The following MYO6 variants were observed in gnomAD, a reference collection of about 807,000 sequenced individuals.
MYO6 encodes the protein myosin VI.
A neutral mutation model predicts 178.7 loss-of-function variants in MYO6; 74 were observed. The ratio of observed to expected loss-of-function variants is 0.41; its 90% CI spans 0.34 to 0.50. MYO6 has a LOEUF of 0.50. Ranked by LOEUF, MYO6 falls within the 20% of genes least tolerant of loss-of-function variation. MYO6 has a pLI of 0.09. For missense variants in MYO6, 1,330 were observed against 1,547.4 expected, an observed-to-expected ratio of 0.86 and a Z score of 2.36; for synonymous variants, 477 against 504.6, an observed-to-expected ratio of 0.95 and a Z score of 0.73.
chr6:75,873,754 A>G (rs1777342073), intron 20 of MYO6, among the ~76,000 whole-genome samples: 1 of 152,174 alleles, frequency 6.6e-6, no homozygotes, highest in South Asian at 2.1e-4. Flanking sequence ...TCCACACATG[A>G]TGGTCAGAAG....
In MYO6 at chr6:75,791,554, A is replaced by G. The variant is rs1332078995; in HGVS notation, c.-47-25947A>G. Among the ~76,000 whole-genome samples, 5 of 152,216 alleles carry G rather than the reference A, an allele frequency of 3.3e-5. No homozygotes were observed. In the East Asian group the frequency reaches 7.7e-4, roughly 23 times the overall value. On this transcript the variant is annotated intron_variant, in intron 1 of 34. Coordinates refer to ENST00000369977, the MANE Select transcript of MYO6 (RefSeq NM_004999.4). Reference sequence around the variant, plus strand: ...AATCGAGACTTAAATGATAAAACAAAGATTCTGCTATATTCCTTTTGTCTT... The same window carrying G: ...AATCGAGACTTAAATGATAAAACAAGGATTCTGCTATATTCCTTTTGTCTT...
Position 75,858,991 on chromosome 6 carries a change from G to C in MYO6, c.1471G>C (p.Glu491Gln). ...ATTTTTTAATGAAAGGATTCTGAAG[G>C]AGGTAATTGCCATTATAAGTTTAAT... ...QQFFNERILK[E>Q]EQELYQKEGL... The change falls in exon 14 of 35, where the codon GAG becomes CAG. Residue 491 changes from glutamate (E) to glutamine (Q), a missense_variant and splice_region_variant. Glu to Gln is a conservative substitution (Grantham distance 29). This residue lies in a region of MYO6 where 613 missense variants were observed against 816.8 expected (regional missense o/e 0.75). Transcript: ENST00000369977. 1 of 1,567,382 alleles carries C rather than the reference G, an allele frequency of 6.4e-7. No homozygotes were observed. The highest frequency in any genetic ancestry group is 8.8e-7 in the Non-Finnish European group (1 of 1,139,012).
intron 1 of MYO6, among the ~76,000 whole-genome samples, chr6:75,794,146 A>G (rs547989084): frequency 3.3e-4 from 50 of 152,310 alleles, no homozygotes; most frequent in African/African-American, 1.2e-3. Flanking sequence ...GGATAAATAT[A>G]TAGGTAATAG....
chr6:75,775,131 T>C (rs948304022), intron 1 of MYO6, among the ~76,000 whole-genome samples: 1 of 152,166 alleles, frequency 6.6e-6, no homozygotes, highest in Admixed American at 6.5e-5. Flanking sequence ...TCCTTTGATA[T>C]TATCATTTAT....
intron 1 of MYO6, among the ~76,000 whole-genome samples, chr6:75,814,923 C>G (rs1771069614): frequency 6.6e-6 from 1 of 151,792 alleles, no homozygotes; most frequent in Non-Finnish European, 1.5e-5. Flanking sequence ...TTTACTCTTC[C>G]AAAACTGTGT....
At chr6:75,801,128 T>C (rs1769411328) in intron 1 of MYO6, among the ~76,000 whole-genome samples, 1 of 152,180 alleles carries the variant, frequency 6.6e-6, no homozygotes, top group South Asian at 2.1e-4. Context: ...TCACACTTTA[T>C]AAAGAACTTC....
chr6:75,897,786 G>A (rs552095926), intron 29 of MYO6, among the ~76,000 whole-genome samples: 5 of 152,318 alleles, frequency 3.3e-5, no homozygotes, highest in Admixed American at 3.3e-4. Context: ...AGCAAAATAA[G>A]TTTTTTGCCT....
Position 75,791,127 on chromosome 6 carries a change from G to T in MYO6, c.-47-26374G>T, listed in dbSNP as rs1466475197. 2.0e-5 allele frequency among the ~76,000 whole-genome samples: 3 copies of T among 152,094 alleles called. No individual in the cohort carries two copies. In the East Asian group the frequency reaches 5.8e-4, roughly 29 times the overall value. ...TTTTGTATTTTTAGTAGAGATGGGG[G>T]TTTCACCGTGTTAGCCAGGATGGTC... On this transcript the variant is annotated intron_variant, in intron 1 of 34. Transcript: ENST00000369977.
intron 1 of MYO6, among the ~76,000 whole-genome samples, chr6:75,806,688 A>G (rs1336048387): frequency 6.6e-6 from 1 of 152,252 alleles, no homozygotes; most frequent in Non-Finnish European, 1.5e-5. Flanking sequence ...GCCACAAACA[A>G]TAGCATGAGT....
chr6:75,751,781 T>C lies in MYO6; in HGVS notation c.-48+2358T>C, dbSNP rs554479795. 4.4e-4 allele frequency among the ~76,000 whole-genome samples: 67 copies of C among 152,276 alleles called. 2 individuals are homozygous for C. In the South Asian group the frequency reaches 0.014, roughly 31 times the overall value. On this transcript the variant is annotated intron_variant, in intron 1 of 34. Coordinates refer to ENST00000369977, the MANE Select transcript of MYO6 (RefSeq NM_004999.4). ...TTTCTTTAGAAAGTTTTAAAGACTT[T>C]GACCATGTGAGGCTTGAACAAATGC...
chr6:75,777,963 T>G (rs535014192), intron 1 of MYO6, among the ~76,000 whole-genome samples: 1 of 152,318 alleles, frequency 6.6e-6, no homozygotes, highest in African/African-American at 2.4e-5. Flanking sequence ...ATATTTTGAT[T>G]GTTAATTACT....
intron 18 of MYO6, among the ~76,000 whole-genome samples, chr6:75,869,465 A>T (rs1374953874): frequency 1.3e-5 from 2 of 152,192 alleles, no homozygotes; most frequent in Admixed American, 1.3e-4. Flanking sequence ...TAGATTAAAC[A>T]TAATAACTCC....
intron 30 of MYO6, among the ~76,000 whole-genome samples, chr6:75,902,370 T>C (rs1212481077): frequency 6.6e-6 from 1 of 152,234 alleles, no homozygotes; most frequent in Non-Finnish European, 1.5e-5. Flanking sequence ...TCTTTTTGGT[T>C]GGTAAGCTAT....
At chr6:75,756,922 T>TAC (rs1465753275) in intron 1 of MYO6, among the ~76,000 whole-genome samples, 1 of 146,238 alleles carries the variant, frequency 6.8e-6, no homozygotes, top group East Asian at 2.0e-4. Context: ...CACATATATA[T>TAC]ACACACCATA....
chr6:75,817,584 A>T lies in MYO6; in HGVS notation c.37A>T (p.Thr13Ser). The T allele has an allele frequency of 2.5e-6, 4 of 1,614,242 alleles. No individual in the cohort carries two copies. Among genetic ancestry groups the T allele is most frequent in the Non-Finnish European group, 3.4e-6 (4 of 1,180,040 alleles). Reference sequence around the variant, plus strand: ...AAAGCCCGTTTGGGCGCCACACCCTACAGATGGATTTCAGATGGGCAATAT... The same window carrying T: ...AAAGCCCGTTTGGGCGCCACACCCTTCAGATGGATTTCAGATGGGCAATAT... The part of the protein sequence containing the change: ...DGKPVWAPHP[T>S]DGFQMGNIVD... Residue 13 changes from threonine (T) to serine (S), a missense_variant, in exon 2 of 35, where the codon ACA becomes TCA. By Grantham distance (58) the Thr-to-Ser change is moderately conservative. This residue lies in a region of MYO6 where 116 missense variants were observed against 104.6 expected (regional missense o/e 1.11). Transcript: ENST00000369977.
chr6:75,854,783 A>T lies in MYO6; in HGVS notation c.1079-356A>T, dbSNP rs546651370. On this transcript the variant is annotated intron_variant, in intron 11 of 34. Coordinates refer to ENST00000369977, the MANE Select transcript of MYO6 (RefSeq NM_004999.4). ...TTACTCCTTGAAATTTCTTGAAGTC[A>T]TATGAATTTTAATGATGAGATACTC... Among the ~76,000 whole-genome samples the T allele has an allele frequency of 2.6e-5, 4 of 152,346 alleles. No individual in the cohort carries two copies. The Middle Eastern group carries it at 0.01, about 389-fold the overall frequency.
Position 75,835,962 on chromosome 6 carries a change from G to A in MYO6, c.553+6G>A, listed in dbSNP as rs762237598. ...TGATGACAGAATTGTTGAAGGTATTGCTAATTTTTCAGTTGTTACGCGTGT... is the reference window on the plus strand; with the variant it reads ...TGATGACAGAATTGTTGAAGGTATTACTAATTTTTCAGTTGTTACGCGTGT... On this transcript the variant is annotated splice_donor_region_variant and intron_variant, in intron 7 of 34. Coordinates refer to ENST00000369977, the MANE Select transcript of MYO6 (RefSeq NM_004999.4). 1.3e-6 allele frequency: 2 copies of A among 1,598,504 alleles called. No individual in the cohort carries two copies. The highest frequency in any genetic ancestry group is 2.2e-5 in the South Asian group (2 of 90,742).
chr6:75,780,197 T>C (rs1228347671), intron 1 of MYO6, among the ~76,000 whole-genome samples: 1 of 152,194 alleles, frequency 6.6e-6, no homozygotes, highest in Non-Finnish European at 1.5e-5. Context: ...TCCCAGCATT[T>C]TGGGAGGCTG....
At chr6:75,893,564 C>CA (rs1401301101) in intron 28 of MYO6, among the ~76,000 whole-genome samples, 6 of 151,814 alleles carry the variant, frequency 4.0e-5, no homozygotes, top group East Asian at 1.9e-4. Flanking sequence ...GAATATTTGG[C>CA]AAAAAAACAA....
Sources: allele counts gnomAD v4.1 joint callset (sites outside exome capture counted in the v4.1 genomes callset), GRCh38; gene constraint gnomAD v4.1.1; regional missense constraint gnomAD v4.1.1; transcripts MANE v1.5; gene names NCBI Gene and HGNC (gene_info 2026-07-23, HGNC 2026-07-21).